Variants in RPS6KA5 observed in about 807,000 individuals in gnomAD.
RPS6KA5 encodes the protein ribosomal protein S6 kinase alpha-5.
Under a neutral mutation model 85.5 loss-of-function variants are expected in RPS6KA5, and 27 were observed. The observed-to-expected ratio is 0.32, with a 90% CI of 0.23 to 0.44. The LOEUF (loss-of-function observed/expected upper bound fraction) is 0.44. RPS6KA5 is among the 20% of genes least tolerant of loss of function. RPS6KA5 has a pLI of 1.00. For synonymous variants in RPS6KA5, 334 were observed against 348.2 expected (o/e 0.96, Z 0.46); for missense variants, 811 against 980.9 (o/e 0.83, Z 2.31).
At chr14:90,900,927 A>AT (rs2035132955) in intron 9 of RPS6KA5, among the ~76,000 whole-genome samples, 191 bp from the exon 10 acceptor site, 1 of 152,190 alleles carries the variant, frequency 6.6e-6, no homozygotes, top group Non-Finnish European at 1.5e-5. Context: ...GTTCAGAAGG[A>AT]TATAATGCCA....
intron 1 of RPS6KA5, among the ~76,000 whole-genome samples, chr14:91,058,207 A>T (rs1249951585): frequency 6.6e-6 from 1 of 151,968 alleles, no homozygotes; most frequent in Non-Finnish European, 1.5e-5. Context: ...CAGTTGTTCC[A>T]GTGTTCAGTA....
Position 90,852,779 on chromosome 14 carries a change from G to C in RPS6KA5, c.*19295C>G, listed in dbSNP as rs12896313. The C allele has an allele frequency of 0.3, 43,814 of 145,766 alleles. 7,859 individuals carry two copies. Among genetic ancestry groups the C allele is most frequent in the Non-Finnish European group, 0.4 (27,077 of 66,992 alleles). The allele number at this position is 145,766 out of a possible 1,614,324, so 9.0% of individuals were successfully genotyped here. On this transcript the variant is annotated 3_prime_UTR_variant, in exon 17 of 17. Transcript: ENST00000614987. ...GAGTCTTGCTCTGTCGCCCAGGCTGGAGTGCAGTGGCGCGATCTCGGCTCA... is the reference window on the plus strand; with the variant it reads ...GAGTCTTGCTCTGTCGCCCAGGCTGCAGTGCAGTGGCGCGATCTCGGCTCA...
At chr14:90,931,547 A>T (rs151072047) in intron 5 of RPS6KA5, among the ~76,000 whole-genome samples, 266 of 152,312 alleles carry the variant, frequency 1.7e-3, no homozygotes, top group Middle Eastern at 3.4e-3. Context: ...AAATTTTTTT[A>T]AAATTAAAAA....
At chr14:91,032,507 G>A (rs188217107) in intron 1 of RPS6KA5, among the ~76,000 whole-genome samples, 5 of 152,172 alleles carry the variant, frequency 3.3e-5, no homozygotes, top group African/African-American at 7.2e-5. Flanking sequence ...TAGAGTGAAC[G>A]GAATCAATTA....
chr14:90,961,240 A>G (rs371111980), intron 3 of RPS6KA5, among the ~76,000 whole-genome samples: 1 of 152,278 alleles, frequency 6.6e-6, no homozygotes. Flanking sequence ...TAAAATAATC[A>G]CATAATCCCC....
intron 5 of RPS6KA5, among the ~76,000 whole-genome samples, chr14:90,927,233 T>C (rs1295688403): frequency 6.6e-6 from 1 of 152,042 alleles, no homozygotes. Flanking sequence ...AAATAGAATA[T>C]ACATGACTTC....
intron 1 of RPS6KA5, among the ~76,000 whole-genome samples, chr14:91,038,731 G>A (rs2042492456): frequency 1.3e-5 from 2 of 152,202 alleles, no homozygotes; most frequent in Non-Finnish European, 2.9e-5. Context: ...TCCAGCTGCT[G>A]CTGCTTCACT....
intron 7 of RPS6KA5, among the ~76,000 whole-genome samples, chr14:90,909,787 G>T (rs945887426): frequency 1.3e-5 from 2 of 152,088 alleles, no homozygotes; most frequent in Non-Finnish European, 2.9e-5. Flanking sequence ...ATAAAAACTT[G>T]AATTATTATT....
intron 14 of RPS6KA5, among the ~76,000 whole-genome samples, chr14:90,886,699 G>T (rs1479738058): frequency 2.0e-5 from 3 of 152,184 alleles, no homozygotes; most frequent in African/African-American, 7.2e-5. Flanking sequence ...CCAGCATCAA[G>T]AACTGTGAGA....
chr14:90,918,632 A>T (rs1021860533), intron 7 of RPS6KA5, among the ~76,000 whole-genome samples: 7 of 152,220 alleles, frequency 4.6e-5, no homozygotes, highest in Non-Finnish European at 8.8e-5. Context: ...TTCCTTCCAG[A>T]AGTTTTATAG....
intron 6 of RPS6KA5, 132 bp downstream of exon 6, chr14:90,922,981 A>AG (rs2140297210): frequency 3.1e-6 from 2 of 635,432 alleles, no homozygotes; most frequent in East Asian, 5.5e-5. Flanking sequence ...AAAGCAAAAG[A>AG]GAAAAAAAGG....
chr14:91,043,814 T>C (rs2042692589), intron 1 of RPS6KA5, among the ~76,000 whole-genome samples: 1 of 152,202 alleles, frequency 6.6e-6, no homozygotes, highest in Non-Finnish European at 1.5e-5. Flanking sequence ...CCAATGACCC[T>C]AGCCTTTGTA....
At chr14:91,044,980 T>C (rs2042812432) in intron 1 of RPS6KA5, among the ~76,000 whole-genome samples, 1 of 152,020 alleles carries the variant, frequency 6.6e-6, no homozygotes, top group South Asian at 2.1e-4. Context: ...ATACAGGAAC[T>C]GAATTCTACC....
chr14:90,894,688 C>G, intron 12 of RPS6KA5, 105 bp from the exon 13 acceptor site: 1 of 1,285,742 alleles, frequency 7.8e-7, no homozygotes, highest in Non-Finnish European at 1.0e-6. Flanking sequence ...TTAAATAATC[C>G]CCTGTTAAAA....
In RPS6KA5 at chr14:91,041,184, G is replaced by A. The variant is rs115385136; in HGVS notation, c.103+19148C>T. The stretch of plus-strand genomic sequence containing the variant: ...GAGGAAGCAGAAGATTTCAAAAACA[G>A]GTGCAAAGCACAATCTGACTCAATC... On this transcript the variant is annotated intron_variant, in intron 1 of 16. Coordinates refer to ENST00000614987, the MANE Select transcript of RPS6KA5 (RefSeq NM_004755.4). 4.4e-3 allele frequency among the ~76,000 whole-genome samples: 669 copies of A among 152,280 alleles called. 4 individuals carry two copies. Among genetic ancestry groups the A allele is most frequent in the African/African-American group, 0.015 (617 of 41,554 alleles).
Position 91,060,361 on chromosome 14 carries a change from A to T in RPS6KA5, c.74T>A (p.Leu25His), listed in dbSNP as rs2043609210. ...SADGGDGGEQ[L>H]LTVKHELRTA... ...CCGCAGCTCGTGCTTGACAGTGAGG[A>T]GCTGCTCTCCTCCGTCGCCGCCGTC... is the stretch of plus-strand genomic sequence containing the variant. Residue 25 changes from leucine (L) to histidine (H), a missense_variant, in exon 1 of 17, where the codon CTC becomes CAC. By Grantham distance (99) the Leu-to-His change is moderately conservative (BLOSUM62 -3). Transcript: ENST00000614987. The T allele has an allele frequency of 1.5e-5, 22 of 1,494,624 alleles. No homozygotes were observed. Among genetic ancestry groups the T allele is most frequent in the Non-Finnish European group, 2.0e-5 (22 of 1,115,770 alleles). The allele number at this position is 1,494,624 out of a possible 1,614,324, so 92.6% of individuals were successfully genotyped here. A position where few individuals can be genotyped will look rare whatever the true frequency, so the allele number is the denominator to read the frequency against.
chr14:91,002,703 A>G (rs1383382781), intron 1 of RPS6KA5, among the ~76,000 whole-genome samples: 1 of 152,192 alleles, frequency 6.6e-6, no homozygotes, highest in African/African-American at 2.4e-5. Context: ...ACCATTTTTA[A>G]GTATACAGTA....
At chr14:90,997,981 CTGGG>C (rs1430239444) in intron 2 of RPS6KA5, among the ~76,000 whole-genome samples, 1 of 129,888 alleles carries the variant, frequency 7.7e-6, no homozygotes, top group Non-Finnish European at 1.5e-5. Flanking sequence ...GCACTCCAAC[CTGGG>C]TGGCACAGCG....
chr14:90,955,938 G>A (rs1157539065), intron 3 of RPS6KA5, among the ~76,000 whole-genome samples: 1 of 151,938 alleles, frequency 6.6e-6, no homozygotes, highest in East Asian at 1.9e-4. Flanking sequence ...TGATCTCTGT[G>A]GGTTCTGCAT....
Sources: gnomAD v4.1 joint callset for allele counts (sites outside exome capture counted in the v4.1 genomes callset) on GRCh38, gnomAD v4.1.1 for gene constraint, MANE v1.5 for transcripts, NCBI Gene and HGNC (gene_info 2026-07-23, HGNC 2026-07-21) for gene names.